MTCL2: variants seen among roughly 807,000 people sequenced by gnomAD.
MTCL2 encodes the protein microtubule crosslinking factor 2.
the MTCL2 span, among the ~76,000 whole-genome samples, chr20:36,856,089 C>T: frequency 4.5e-4 from 69 of 152,298 alleles, no homozygotes; most frequent in Non-Finnish European, 9.0e-4. Context: ...CCAGACTCTC[C>T]CCATCCCTGC....
the MTCL2 span, chr20:36,793,303 C>T: frequency 6.4e-7 from 1 of 1,551,870 alleles, no homozygotes; most frequent in South Asian, 1.2e-5. This position sits in a 1 kb window ranked among gnomAD's most constrained non-coding sequence, Gnocchi z 6.8. Flanking sequence ...CATCCTTCCC[C>T]ACCTGGGGGA....
At chr20:36,798,712 G>A in the MTCL2 span, among the ~76,000 whole-genome samples, 2 of 152,168 alleles carry the variant, frequency 1.3e-5, no homozygotes, top group Admixed American at 6.5e-5. Flanking sequence ...GGGTCAGGCC[G>A]AGGGCAGACT....
chr20:36,810,750 CTCTT>C, the MTCL2 span, among the ~76,000 whole-genome samples: 3 of 146,752 alleles, frequency 2.0e-5, no homozygotes, highest in South Asian at 2.2e-4. Context: ...CTCTCTCTCT[CTCTT>C]TCAACGGAGT....
At chr20:36,839,489 A>G in the MTCL2 span, 4 of 1,566,928 alleles carry the variant, frequency 2.6e-6, no homozygotes, top group Non-Finnish European at 2.6e-6. The surrounding 1 kb of genome is among the most constrained non-coding windows in gnomAD (Gnocchi z 5.1). Context: ...AGTAGCAGCT[A>G]GGAGGCCGGA....
chr20:36,855,656 G>A, the MTCL2 span, among the ~76,000 whole-genome samples: 1 of 152,156 alleles, frequency 6.6e-6, no homozygotes, highest in African/African-American at 2.4e-5. Flanking sequence ...GACTCTCTCT[G>A]CCCCGGAGGC....
chr20:36,816,464 G>C, the MTCL2 span, among the ~76,000 whole-genome samples: 1 of 151,966 alleles, frequency 6.6e-6, no homozygotes, highest in Non-Finnish European at 1.5e-5. Context: ...AGACGCAGAG[G>C]GGTAGATGTT....
chr20:36,792,345 T>TA, the MTCL2 span, among the ~76,000 whole-genome samples: 3 of 151,790 alleles, frequency 2.0e-5, no homozygotes, highest in African/African-American at 4.8e-5. Context: ...CCGTCTCTAC[T>TA]AAAAAATACA....
the MTCL2 span, chr20:36,815,988 C>A: frequency 5.6e-6 from 9 of 1,613,602 alleles, no homozygotes; most frequent in Non-Finnish European, 8.5e-7. The surrounding 1 kb of genome is among the most constrained non-coding windows in gnomAD (Gnocchi z 5.3). Context: ...ACAGCCACCT[C>A]CATGATCCTT....
the MTCL2 span, chr20:36,785,512 C>T: frequency 6.1e-4 from 600 of 985,352 alleles, 1 homozygote; most frequent in Non-Finnish European, 7.0e-4. Context: ...TGGGCCTGAC[C>T]TGGCCAACCA....
the MTCL2 span, among the ~76,000 whole-genome samples, chr20:36,827,718 C>T: frequency 1.3e-5 from 2 of 152,174 alleles, no homozygotes; most frequent in Non-Finnish European, 2.9e-5. Flanking sequence ...GTTCCAGCCA[C>T]ATCTCTGCTA....
At chr20:36,793,308 G>A in the MTCL2 span, 1 of 1,551,818 alleles carries the variant, frequency 6.4e-7, no homozygotes, top group Non-Finnish European at 8.7e-7. This position sits in a 1 kb window ranked among gnomAD's most constrained non-coding sequence, Gnocchi z 6.8. Flanking sequence ...TTCCCCACCT[G>A]GGGGAGCATG....
the MTCL2 span, chr20:36,793,532 C>G: frequency 1.3e-6 from 2 of 1,551,670 alleles, no homozygotes; most frequent in East Asian, 4.9e-5. This position sits in a 1 kb window ranked among gnomAD's most constrained non-coding sequence, Gnocchi z 6.8. Flanking sequence ...GGGCTTGGCC[C>G]GCGTCTCAGA....
At chr20:36,795,818 C>G in the MTCL2 span, among the ~76,000 whole-genome samples, 1 of 151,898 alleles carries the variant, frequency 6.6e-6, no homozygotes, top group African/African-American at 2.4e-5. Context: ...CACGCCCAAA[C>G]CGAAGCTAGA....
the MTCL2 span, chr20:36,862,761 G>C: frequency 6.9e-7 from 1 of 1,450,360 alleles, no homozygotes; most frequent in Non-Finnish European, 9.1e-7. Flanking sequence ...GGCAAGCGAG[G>C]CGCTGAGCGG....
At chr20:36,802,235 G>A in the MTCL2 span, among the ~76,000 whole-genome samples, 2 of 152,174 alleles carry the variant, frequency 1.3e-5, no homozygotes, top group South Asian at 2.1e-4. Context: ...GCAGTGAGCC[G>A]AGAGTGCTCT....
At chr20:36,779,102 C>A in the MTCL2 span, 1 of 151,350 alleles carries the variant, frequency 6.6e-6, no homozygotes, top group Non-Finnish European at 1.5e-5. Flanking sequence ...GCAGGGCTGG[C>A]ATTGGAGAGA....
At chr20:36,793,643 C>T in the MTCL2 span, 1 of 1,551,044 alleles carries the variant, frequency 6.4e-7, no homozygotes. The surrounding 1 kb of genome is among the most constrained non-coding windows in gnomAD (Gnocchi z 6.8). Context: ...AGGGCTGTCC[C>T]GCGTGGTGGT....
At chr20:36,860,232 C>G in the MTCL2 span, among the ~76,000 whole-genome samples, 1 of 152,176 alleles carries the variant, frequency 6.6e-6, no homozygotes, top group Non-Finnish European at 1.5e-5. Context: ...CTTCTTACTC[C>G]AGACCCTCAC....
chr20:36,807,662 C>T, the MTCL2 span, among the ~76,000 whole-genome samples: 12 of 152,068 alleles, frequency 7.9e-5, no homozygotes, highest in African/African-American at 2.7e-4. Context: ...TCCGCCCCCA[C>T]GTTTCCTGCC....
Sources: allele counts gnomAD v4.1 joint callset (sites outside exome capture counted in the v4.1 genomes callset), GRCh38; gene constraint gnomAD v4.1.1; non-coding constraint Gnocchi (gnomAD v3.1); transcripts MANE v1.5; gene names NCBI Gene and HGNC (gene_info 2026-07-23, HGNC 2026-07-21).